Variants in CEP72 observed in about 807,000 individuals in gnomAD.
The protein encoded by CEP72 is centrosomal protein of 72 kDa.
CEP72 carries 78 observed loss-of-function variants against 65.7 expected under a neutral mutation model. The ratio of observed to expected loss-of-function variants is 1.19; its 90% confidence interval spans 0.99 to 1.43. The LOEUF (loss-of-function observed/expected upper bound fraction) is 1.43, where lower values mean the gene tolerates loss of function less well. CEP72 is among the 40% of genes most tolerant of loss of function. The pLI is 0.00. For synonymous variants in CEP72, 358 were observed against 351.7 expected (o/e 1.02, Z -0.20); for missense variants, 914 against 832.9 (o/e 1.10, Z -1.20).
chr5:656,506 TAC>T (rs1739383480), downstream of CEP72, among the ~76,000 whole-genome samples: 1 of 148,420 alleles, frequency 6.7e-6, no homozygotes, highest in African/African-American at 2.6e-5. Flanking sequence ...TGTCTTTTGT[TAC>T]ATTTAATCCT....
intron 9 of CEP72, chr5:642,967 G>T: frequency 3.0e-6 from 3 of 985,486 alleles, no homozygotes; most frequent in Non-Finnish European, 3.6e-6. Context: ...CAGCTGCTGT[G>T]CCTGGCACGG....
chr5:612,417 G>A lies in CEP72; in HGVS notation c.56G>A (p.Ser19Asn). The A allele has an allele frequency of 6.7e-7, 1 of 1,483,900 alleles. No individual in the cohort carries two copies. The highest frequency in any genetic ancestry group is 2.3e-5 in the Admixed American group (1 of 44,368). 91.9% of individuals were successfully genotyped at this position (1,483,900 alleles called of 1,614,324 possible). Reference protein sequence around the residue: ...VLSEEAVRAKSGLGPHRDLAE... With the variant: ...VLSEEAVRAKNGLGPHRDLAE... The stretch of plus-strand genomic sequence containing the variant: ...AGCGAGGAGGCGGTTCGGGCGAAGA[G>A]CGGCTTAGGGCCTCACCGCGACCTG... The change falls in exon 1 of 12, where the codon AGC becomes AAC. Residue 19 changes from serine to asparagine, a missense_variant. By Grantham distance (46) the Ser-to-Asn change is conservative. Transcript: ENST00000264935.
At chr5:640,920 A>G (rs1737972121) in intron 9 of CEP72, 1 of 985,228 alleles carries the variant, frequency 1.0e-6, no homozygotes, top group South Asian at 4.7e-5. Flanking sequence ...TTGCTGACCC[A>G]TCTCTCAGGG....
At chr5:675,514 CCA>C in the CEP72 span, among the ~76,000 whole-genome samples, 9 of 116,016 alleles carry the variant, frequency 7.8e-5, no homozygotes, top group South Asian at 2.9e-4. Context: ...TGCAGTGTGA[CCA>C]GGGGTGCAGT....
At chr5:664,982 G>GC in intron 2 of CEP72, 1 of 1,263,688 alleles carries the variant, frequency 7.9e-7, no homozygotes, top group Non-Finnish European at 1.1e-6. Flanking sequence ...CCGCCCCCCA[G>GC]CCCCCTCTGG....
chr5:631,995 C>A (rs376586347), intron 4 of CEP72, among the ~76,000 whole-genome samples: 5 of 32,482 alleles, frequency 1.5e-4, no homozygotes, highest in South Asian at 1.3e-3. Context: ...CGGGATTTGG[C>A]CCAGTCCTGG....
chr5:638,871 G>T (rs1481067777), intron 7 of CEP72, among the ~76,000 whole-genome samples: 1 of 152,124 alleles, frequency 6.6e-6, no homozygotes, highest in African/African-American at 2.4e-5. Flanking sequence ...GTCCTGTCCT[G>T]TCATCGAGAC....
chr5:640,362 T>C, intron 8 of CEP72, 46 bp from the exon 9 acceptor site: 1 of 1,578,714 alleles, frequency 6.3e-7, no homozygotes, highest in Non-Finnish European at 8.6e-7. Flanking sequence ...TTACATTTCA[T>C]CCTTTAAGCC....
chr5:658,645 A>ATT (rs70955278), downstream of CEP72, among the ~76,000 whole-genome samples: 14 of 55,986 alleles, frequency 2.5e-4, 4 homozygotes, highest in Admixed American at 8.1e-4. Flanking sequence ...AGCAAAGCTG[A>ATT]TTTTTTTTTT....
At chr5:673,168 C>T in the CEP72 span, among the ~76,000 whole-genome samples, 1 of 150,054 alleles carries the variant, frequency 6.7e-6, no homozygotes, top group East Asian at 1.9e-4. Flanking sequence ...GCAACTCCCA[C>T]AGGCCCGCCG....
intron 4 of CEP72, among the ~76,000 whole-genome samples, chr5:628,753 A>C (rs112919362): frequency 0.034 from 1,536 of 45,112 alleles, 33 homozygotes; most frequent in African/African-American, 0.16. Flanking sequence ...CTCAGGTTGC[A>C]GTCCCCGGGG....
chr5:674,543 AG>A, the CEP72 span, among the ~76,000 whole-genome samples: 1 of 152,098 alleles, frequency 6.6e-6, no homozygotes, highest in Non-Finnish European at 1.5e-5. Context: ...GCTCAGGACA[AG>A]GGCACTGTCT....
At chr5:622,163 C>T (rs1054615131) in intron 3 of CEP72, among the ~76,000 whole-genome samples, 4 of 152,236 alleles carry the variant, frequency 2.6e-5, no homozygotes, top group South Asian at 4.1e-4. Flanking sequence ...GCACACACAC[C>T]CTCTGTTTGG....
chr5:633,921 G>A lies in CEP72; in HGVS notation c.665G>A (p.Arg222His), dbSNP rs760406184. Reference protein sequence around the residue: ...PGSTSFSQKGREADSRGSQES... With the variant: ...PGSTSFSQKGHEADSRGSQES... ...AGCACGAGCTTCAGCCAGAAGGGGC[G>A]TGAGGCCGACTCTCGTGGTTCCCAA... is the stretch of plus-strand genomic sequence containing the variant. Residue 222 changes from arginine to histidine, a missense_variant, in exon 5 of 12, where the codon CGT (arginine) becomes CAT (histidine). Arg to His is a conservative substitution (Grantham distance 29). Coordinates refer to ENST00000264935, the MANE Select transcript of CEP72 (RefSeq NM_018140.4). 2.5e-5 allele frequency: 40 copies of A among 1,612,492 alleles called. No homozygotes were observed. Among genetic ancestry groups the A allele is most frequent in the Middle Eastern group, 1.6e-4 (1 of 6,084 alleles).
intron 1 of CEP72, among the ~76,000 whole-genome samples, chr5:614,573 C>T (rs1012036060): frequency 1.3e-5 from 2 of 151,616 alleles, no homozygotes; most frequent in African/African-American, 2.4e-5. Context: ...CTCAGCCTCC[C>T]GAGTAGCTGG....
intron 9 of CEP72, chr5:641,168 C>CT: frequency 1.0e-6 from 1 of 984,918 alleles, no homozygotes; most frequent in Non-Finnish European, 1.2e-6. Context: ...GGGGCTCTGT[C>CT]TCAGCCGTGG....
At chr5:619,933 T>C in intron 2 of CEP72, 136 bp from the exon 3 acceptor site, 1 of 695,252 alleles carries the variant, frequency 1.4e-6, no homozygotes, top group East Asian at 2.7e-5. Flanking sequence ...TTCATTTTTC[T>C]ACTTTTCCTG....
chr5:669,859 C>G (rs1023176552), downstream of CEP72, among the ~76,000 whole-genome samples: 3 of 152,134 alleles, frequency 2.0e-5, no homozygotes, highest in Non-Finnish European at 2.9e-5. Context: ...CTGCCTCTTC[C>G]CCAGAGACAC....
chr5:649,108 A>AGGGGTGGG (rs1561062495), intron 11 of CEP72, among the ~76,000 whole-genome samples: 1 of 66,578 alleles, frequency 1.5e-5, no homozygotes, highest in Admixed American at 1.4e-4. Flanking sequence ...TGAGGTGTGG[A>AGGGGTGGG]CTGTGAGGTG....
Sources: gnomAD v4.1 joint callset for allele counts (sites outside exome capture counted in the v4.1 genomes callset) on GRCh38, gnomAD v4.1.1 for gene constraint, MANE v1.5 for transcripts, NCBI Gene and HGNC (gene_info 2026-07-23, HGNC 2026-07-21) for gene names.